EML5: variants seen among roughly 807,000 people sequenced by gnomAD.
EML5 encodes the protein echinoderm microtubule-associated protein-like 5.
EML5 carries 120 observed loss-of-function variants against 250.0 expected under a neutral mutation model. That is an observed-to-expected ratio of 0.48 (90% CI 0.41 to 0.56). EML5 has a LOEUF of 0.56. Among genes scored for constraint, EML5 ranks in the 20% least tolerant of loss-of-function variants. The pLI, the probability that EML5 is intolerant of heterozygous loss-of-function variation, is 0.00. For synonymous variants in EML5, 771 were observed against 806.5 expected (o/e 0.96, Z 0.75); for missense variants, 2,006 against 2,437.6 (o/e 0.82, Z 3.73).
chr14:88,713,919 C>T (rs568943879), intron 9 of EML5, among the ~76,000 whole-genome samples: 15 of 150,858 alleles, frequency 9.9e-5, no homozygotes, highest in Admixed American at 2.0e-4. Context: ...CTCACTGCAG[C>T]CTTATCCTCC....
At chr14:88,637,670 T>C (rs541985677) in intron 32 of EML5, among the ~76,000 whole-genome samples, 2 of 152,290 alleles carry the variant, frequency 1.3e-5, no homozygotes, top group East Asian at 3.9e-4. Context: ...TAAGTGAATT[T>C]ACTCAATAAA....
In EML5 at chr14:88,792,541, G is replaced by A. The variant is rs1346004266; in HGVS notation, c.-38C>T. 1 of 1,236,972 alleles carries A rather than the reference G, an allele frequency of 8.1e-7. No homozygotes were observed. The highest frequency in any genetic ancestry group is 1.0e-6 in the Non-Finnish European group (1 of 985,226). The allele number at this position is 1,236,972 out of a possible 1,614,324, so 76.6% of individuals were successfully genotyped here. The stretch of plus-strand genomic sequence containing the variant: ...ACCCGCCGCTCCCGCTCGGGCCCGC[G>A]GCGGCGACGGGAGGCGGCGGCGGCC... On this transcript the variant is annotated 5_prime_UTR_variant, in exon 1 of 44. Coordinates refer to ENST00000554922, the MANE Select transcript of EML5 (RefSeq NM_183387.3). This position sits in a 1 kb window ranked among gnomAD's most constrained non-coding sequence, Gnocchi z 6.9.
At chr14:88,685,330 C>G (rs1358825864) in intron 19 of EML5, among the ~76,000 whole-genome samples, 188 bp from the exon 20 acceptor site, 1 of 152,082 alleles carries the variant, frequency 6.6e-6, no homozygotes, top group African/African-American at 2.4e-5. Flanking sequence ...AAATAAGTAC[C>G]ACCTATGTCT....
intron 2 of EML5, among the ~76,000 whole-genome samples, chr14:88,754,191 G>A (rs1022839055): frequency 2.7e-4 from 41 of 152,000 alleles, no homozygotes; most frequent in African/African-American, 9.4e-4. Flanking sequence ...ATTTTCCTAA[G>A]ATATCATCCA....
At chr14:88,624,767 C>A in intron 36 of EML5, 1 of 587,910 alleles carries the variant, frequency 1.7e-6, no homozygotes. Context: ...AGTATCACCC[C>A]AACATGAAAA....
intron 2 of EML5, among the ~76,000 whole-genome samples, chr14:88,752,575 C>T (rs957503829): frequency 2.0e-5 from 3 of 152,120 alleles, no homozygotes; most frequent in Non-Finnish European, 2.9e-5. Flanking sequence ...CTTTATAGAT[C>T]CATTACCAGA....
chr14:88,783,392 G>C (rs1241971275), intron 1 of EML5, among the ~76,000 whole-genome samples: 1 of 152,130 alleles, frequency 6.6e-6, no homozygotes, highest in Non-Finnish European at 1.5e-5. Flanking sequence ...AGATCCAATG[G>C]AACAGATCAA....
intron 9 of EML5, 138 bp downstream of exon 9, chr14:88,714,801 A>G: frequency 1.4e-6 from 1 of 723,896 alleles, no homozygotes. Flanking sequence ...ATATTGTAGA[A>G]AAGTCTACAA....
intron 21 of EML5, among the ~76,000 whole-genome samples, chr14:88,666,199 C>CA (rs1037723543): frequency 4.6e-5 from 7 of 152,126 alleles, no homozygotes; most frequent in Non-Finnish European, 8.8e-5. Context: ...TCCAAAAAAA[C>CA]AGAAATTTAA....
chr14:88,792,353 C>T lies in EML5; in HGVS notation c.151G>A (p.Glu51Lys). ...AGVGVVYSPR[E>K]HRQKFYRGHS... ...CCCCGGTAGAACTTCTGCCTGTGCT[C>T]CCGCGGGCTGTACACCACGCCGACC... The change falls in exon 1 of 44, where the codon GAG (glutamate) becomes AAG (lysine). Residue 51 changes from glutamate (E) to lysine (K), a missense_variant. Physicochemically the swap from Glu to Lys is moderately conservative, Grantham distance 56 (BLOSUM62 1). Around this residue, in one of 7 missense-constraint regions of EML5, gnomAD observed 162 missense variants for 212.2 expected, o/e 0.76. Coordinates refer to ENST00000554922, the MANE Select transcript of EML5 (RefSeq NM_183387.3). This position sits in a 1 kb window ranked among gnomAD's most constrained non-coding sequence, Gnocchi z 6.9. 6.4e-7 allele frequency: 1 copy of T among 1,568,416 alleles called. No individual in the cohort carries two copies. Among genetic ancestry groups the T allele is most frequent in the Non-Finnish European group, 8.6e-7 (1 of 1,158,398 alleles).
intron 29 of EML5, 25 bp downstream of exon 29, chr14:88,646,922 G>A: frequency 6.3e-7 from 1 of 1,587,748 alleles, no homozygotes; most frequent in Non-Finnish European, 8.5e-7. Flanking sequence ...GTTAGGCTTT[G>A]TAAACACAGC....
At chr14:88,739,681 A>G (rs1434755086) in intron 5 of EML5, among the ~76,000 whole-genome samples, 1 of 152,200 alleles carries the variant, frequency 6.6e-6, no homozygotes, top group African/African-American at 2.4e-5. Flanking sequence ...ATGAGAAAAG[A>G]TGTAATAAGC....
intron 33 of EML5, among the ~76,000 whole-genome samples, chr14:88,630,220 G>C (rs1337647403): frequency 2.0e-5 from 3 of 151,564 alleles, no homozygotes; most frequent in Admixed American, 2.0e-4. Context: ...AGTAGAGATG[G>C]GGTTTCTCCA....
Position 88,740,327 on chromosome 14 carries a change from A to G in EML5, c.711+60T>C, listed in dbSNP as rs1201344787. 1.3e-5 allele frequency: 18 copies of G among 1,419,552 alleles called. No homozygotes were observed. The Middle Eastern group carries it at 5.5e-4, about 44-fold the overall frequency. 87.9% of individuals were successfully genotyped at this position (1,419,552 alleles called of 1,614,324 possible). A position where few individuals can be genotyped will look rare whatever the true frequency, so the allele number is the denominator to read the frequency against. ...AATATACTATATTACGCAGTCTATCATTCTAAGACAAGGTTAAGTAATACA... is the reference window on the plus strand; with the variant it reads ...AATATACTATATTACGCAGTCTATCGTTCTAAGACAAGGTTAAGTAATACA... On this transcript the variant is annotated intron_variant, in intron 5 of 43. Transcript: ENST00000554922.
intron 14 of EML5, among the ~76,000 whole-genome samples, chr14:88,698,428 G>C (rs1207167678): frequency 6.6e-6 from 1 of 151,768 alleles, no homozygotes; most frequent in African/African-American, 2.4e-5. Flanking sequence ...CACCATGCCC[G>C]GCTAATTTTT....
intron 36 of EML5, 39 bp from the exon 37 acceptor site, chr14:88,622,757 G>T: frequency 1.4e-6 from 2 of 1,425,010 alleles, no homozygotes; most frequent in Non-Finnish European, 9.5e-7. Flanking sequence ...GTTCATTATT[G>T]GCTACTATAA....
At chr14:88,769,826 T>C (rs1334791214) in intron 1 of EML5, among the ~76,000 whole-genome samples, 2 of 152,224 alleles carry the variant, frequency 1.3e-5, no homozygotes, top group Admixed American at 1.3e-4. Flanking sequence ...TCTCCCTTTA[T>C]TTATAACTTC....
intron 28 of EML5, 71 bp from the exon 29 acceptor site, chr14:88,647,026 C>G: frequency 7.3e-7 from 1 of 1,360,868 alleles, no homozygotes. Flanking sequence ...AGTGAAATAC[C>G]TCCTGTAATA....
intron 32 of EML5, 68 bp downstream of exon 32, chr14:88,638,741 T>G: frequency 1.5e-6 from 2 of 1,341,218 alleles, no homozygotes; most frequent in Non-Finnish European, 2.0e-6. Context: ...ATTTTTTCCT[T>G]GGATATTGAA....
Sources: gnomAD v4.1 joint callset for allele counts (sites outside exome capture counted in the v4.1 genomes callset) on GRCh38, gnomAD v4.1.1 for gene constraint, gnomAD v4.1.1 regional missense constraint, Gnocchi (gnomAD v3.1) non-coding constraint, MANE v1.5 for transcripts, NCBI Gene and HGNC (gene_info 2026-07-23, HGNC 2026-07-21) for gene names.